The following VWC2L variants were observed in gnomAD, a reference collection of about 807,000 sequenced individuals.
The protein encoded by VWC2L is von Willebrand factor C domain-containing protein 2-like.
Under a neutral mutation model 21.6 loss-of-function variants are expected in VWC2L, and 10 were observed. The observed-to-expected ratio is 0.46, with a 90% CI of 0.29 to 0.78. VWC2L has a LOEUF of 0.78. VWC2L is among the 30% of genes least tolerant of loss of function. VWC2L has a pLI of 0.10. For synonymous variants in VWC2L, 96 were observed against 94.3 expected (o/e 1.02, Z -0.10); for missense variants, 209 against 277.1 (o/e 0.75, Z 1.74).
chr2:214,485,442 G>C (rs2126198688), intron 3 of VWC2L, among the ~76,000 whole-genome samples: 1 of 152,264 alleles, frequency 6.6e-6, no homozygotes, highest in Non-Finnish European at 1.5e-5. Context: ...TTCTCTGTGT[G>C]ACTGTAGGTA....
intron 2 of VWC2L, among the ~76,000 whole-genome samples, chr2:214,428,108 G>A (rs948110969): frequency 3.3e-5 from 5 of 152,158 alleles, no homozygotes; most frequent in Admixed American, 1.3e-4. Context: ...GCAAATGGAC[G>A]AAGAGTGGGG....
chr2:214,493,776 C>T (rs1688775663), intron 3 of VWC2L, among the ~76,000 whole-genome samples: 1 of 152,012 alleles, frequency 6.6e-6, no homozygotes, highest in African/African-American at 2.4e-5. Flanking sequence ...GGAGAGTCAC[C>T]CAGACCCCAG....
intron 3 of VWC2L, among the ~76,000 whole-genome samples, chr2:214,535,614 A>C (rs1425931168): frequency 6.6e-6 from 1 of 152,112 alleles, no homozygotes; most frequent in African/African-American, 2.4e-5. Flanking sequence ...TTAGAAATAT[A>C]AACAAAAGGG....
chr2:214,567,443 A>C (rs1464805528), intron 3 of VWC2L, among the ~76,000 whole-genome samples: 1 of 152,124 alleles, frequency 6.6e-6, no homozygotes, highest in East Asian at 1.9e-4. Context: ...TTTGCAGTTT[A>C]GAGAAGAGAT....
At chr2:214,459,355 T>A (rs1703103910) in intron 3 of VWC2L, among the ~76,000 whole-genome samples, 1 of 152,224 alleles carries the variant, frequency 6.6e-6, no homozygotes, top group East Asian at 1.9e-4. Context: ...TCACATTTTT[T>A]AAATCAATTC....
chr2:214,417,098 C>T lies in VWC2L; in HGVS notation c.390+2515C>T, dbSNP rs56262635. ...ATAATCTGTCATCTTGATTCTCTTCCAACTCAGCTTGCAAGGAACAAGTCA... is the reference window on the plus strand; with the variant it reads ...ATAATCTGTCATCTTGATTCTCTTCTAACTCAGCTTGCAAGGAACAAGTCA... On this transcript the variant is annotated intron_variant, in intron 2 of 3. Transcript: ENST00000312504. 7.5e-3 allele frequency among the ~76,000 whole-genome samples: 1,142 copies of T among 152,226 alleles called. 15 individuals are homozygous for T. Among genetic ancestry groups the T allele is most frequent in the Middle Eastern group, 0.017 (5 of 294 alleles).
intron 3 of VWC2L, among the ~76,000 whole-genome samples, chr2:214,468,073 G>T (rs1432586716): frequency 1.3e-5 from 2 of 152,046 alleles, no homozygotes; most frequent in Non-Finnish European, 2.9e-5. Flanking sequence ...CTGGGGTGCA[G>T]TGGCGCAATC....
chr2:214,518,444 G>C (rs1432622831), intron 3 of VWC2L, among the ~76,000 whole-genome samples: 1 of 152,198 alleles, frequency 6.6e-6, no homozygotes, highest in Non-Finnish European at 1.5e-5. Context: ...TTTGGCAAAA[G>C]TTGAGGGAAC....
At chr2:214,440,460 A>G (rs770185954) in intron 3 of VWC2L, among the ~76,000 whole-genome samples, 6 of 151,946 alleles carry the variant, frequency 3.9e-5, no homozygotes, top group Non-Finnish European at 8.8e-5. Flanking sequence ...AGGCCTTTCC[A>G]TGTGAATTAA....
intron 3 of VWC2L, among the ~76,000 whole-genome samples, chr2:214,565,462 A>G (rs76442362): frequency 0.014 from 2,114 of 151,934 alleles, 18 homozygotes; most frequent in Middle Eastern, 0.027. Flanking sequence ...AGACTAATAT[A>G]CCTCCCCTGA....
intron 3 of VWC2L, among the ~76,000 whole-genome samples, chr2:214,466,435 G>A (rs964813185): frequency 2.0e-5 from 3 of 152,102 alleles, no homozygotes; most frequent in Non-Finnish European, 4.4e-5. Flanking sequence ...TGTGGAATAT[G>A]TGTCTTGATA....
intron 3 of VWC2L, among the ~76,000 whole-genome samples, chr2:214,478,175 A>T (rs1688552069): frequency 6.6e-6 from 1 of 152,164 alleles, no homozygotes; most frequent in Non-Finnish European, 1.5e-5. Flanking sequence ...TATTCCTTTA[A>T]TTTCATCCTA....
At chr2:214,494,097 A>G (rs1688779956) in intron 3 of VWC2L, among the ~76,000 whole-genome samples, 1 of 151,996 alleles carries the variant, frequency 6.6e-6, no homozygotes, top group African/African-American at 2.4e-5. Context: ...CCATTTTGCT[A>G]CAATTACAGT....
At chr2:214,530,122 C>A (rs973128570) in intron 3 of VWC2L, among the ~76,000 whole-genome samples, 1 of 152,198 alleles carries the variant, frequency 6.6e-6, no homozygotes, top group Non-Finnish European at 1.5e-5. Context: ...TTACTCTATA[C>A]TTACATTGCC....
chr2:214,463,640 T>G (rs1024388278), intron 3 of VWC2L, among the ~76,000 whole-genome samples: 1 of 152,170 alleles, frequency 6.6e-6, no homozygotes, highest in Admixed American at 6.5e-5. Flanking sequence ...TTTTAAAAAA[T>G]TAACTGAATA....
chr2:214,455,396 T>C, intron 3 of VWC2L, among the ~76,000 whole-genome samples: 1 of 152,198 alleles, frequency 6.6e-6, no homozygotes, highest in East Asian at 1.9e-4. Context: ...TTCTATGTAA[T>C]TTCAGCTTTC....
intron 2 of VWC2L, among the ~76,000 whole-genome samples, chr2:214,433,293 C>T (rs1416654519): frequency 6.6e-6 from 1 of 151,320 alleles, no homozygotes; most frequent in Non-Finnish European, 1.5e-5. Context: ...AAGGAGTGCA[C>T]AGAAATAAAG....
At chr2:214,501,571 A>T (rs1255747176) in intron 3 of VWC2L, among the ~76,000 whole-genome samples, 1 of 151,916 alleles carries the variant, frequency 6.6e-6, no homozygotes, top group Non-Finnish European at 1.5e-5. Flanking sequence ...AAAATACAAA[A>T]ATTAGCAGGG....
intron 3 of VWC2L, among the ~76,000 whole-genome samples, chr2:214,547,523 G>C (rs1411768134): frequency 6.6e-6 from 1 of 152,172 alleles, no homozygotes; most frequent in Non-Finnish European, 1.5e-5. Context: ...TTCTGTAGGT[G>C]CTCCTTCAAA....
Sources: gnomAD v4.1 joint callset for allele counts (sites outside exome capture counted in the v4.1 genomes callset) on GRCh38, gnomAD v4.1.1 for gene constraint, MANE v1.5 for transcripts, NCBI Gene and HGNC (gene_info 2026-07-23, HGNC 2026-07-21) for gene names.